KLHL25: variants seen among roughly 807,000 people sequenced by gnomAD.
KLHL25 encodes the protein kelch-like protein 25.
KLHL25 carries 41 observed loss-of-function variants against 30.0 expected under a neutral mutation model. That is an observed-to-expected ratio of 1.37 (90% confidence interval 1.07 to 1.78). The LOEUF is 1.78. Among genes scored for constraint, KLHL25 ranks in the 40% most tolerant of loss-of-function variants. The probability of loss-of-function intolerance (pLI) is 0.00; values close to 1 mark genes in which losing one functional copy is unlikely to be tolerated. For missense variants in KLHL25, 971 were observed against 824.5 expected (o/e 1.18, Z -2.18); for synonymous variants, 399 against 355.3 (o/e 1.12, Z -1.38).
Position 85,760,025 on chromosome 15 carries a change from G to A in KLHL25, c.*1011C>T, listed in dbSNP as rs567694962. ...GGGGCCATTCTTATCTTGGAGCTCA[G>A]GGAGCAAATGGGGGCCAAAACGCAA... On this transcript the variant is annotated 3_prime_UTR_variant, in exon 3 of 3. Coordinates refer to ENST00000337975, the MANE Select transcript of KLHL25 (RefSeq NM_022480.4). 6.6e-6 allele frequency: 1 copy of A among 152,414 alleles called. No homozygotes were observed. Among genetic ancestry groups the A allele is most frequent in the South Asian group, 2.1e-4 (1 of 4,824 alleles). The allele number at this position is 152,414 out of a possible 1,614,324, so 9.4% of individuals were successfully genotyped here. A position where few individuals can be genotyped will look rare whatever the true frequency, so the allele number is the denominator to read the frequency against.
intron 1 of KLHL25, among the ~76,000 whole-genome samples, chr15:85,776,504 CA>C (rs963500522): frequency 2.0e-5 from 3 of 151,312 alleles, no homozygotes; most frequent in East Asian, 1.9e-4. Flanking sequence ...CAATCAATAG[CA>C]AAAAAAACCT....
In KLHL25 at chr15:85,769,233, A is replaced by C. The variant is rs750909651; in HGVS notation, c.578T>G (p.Leu193Arg). ...CTCATCACTCGAGATGAGGTCCAGC[A>C]GTGTGTCCTTGGACAGGCTGTTGAA... is the stretch of plus-strand genomic sequence containing the variant. ...EDFNSLSKDT[L>R]LDLISSDELE... Residue 193 changes from leucine to arginine, a missense_variant, in exon 2 of 3, where the codon CTG (leucine) becomes CGG (arginine). Leu to Arg is a moderately radical substitution (Grantham distance 102). Transcript: ENST00000337975. 2.5e-6 allele frequency: 4 copies of C among 1,613,846 alleles called. No homozygotes were observed. The Admixed American group carries it at 6.7e-5, about 27-fold the overall frequency.
At chr15:85,765,066 G>A (rs778646820) in intron 2 of KLHL25, among the ~76,000 whole-genome samples, 2 of 152,132 alleles carry the variant, frequency 1.3e-5, no homozygotes, top group African/African-American at 2.4e-5. Context: ...GGTAGGCAGG[G>A]GGCAGCCTCT....
At chr15:85,792,772 C>T (rs910681638) in intron 1 of KLHL25, among the ~76,000 whole-genome samples, 66 of 152,134 alleles carry the variant, frequency 4.3e-4, no homozygotes, top group African/African-American at 1.6e-3. Context: ...CGAATCTGGG[C>T]GATGACATGC....
At position 85,760,244 on chromosome 15, in the gene KLHL25, CCT is replaced by C. The variant is rs2089572287; in HGVS notation, c.*790_*791del. 6.6e-6 allele frequency: 1 copy of C among 152,216 alleles called. No individual in the cohort carries two copies. Among genetic ancestry groups the C allele is most frequent in the African/African-American group, 2.4e-5 (1 of 41,432 alleles). The allele number at this position is 152,216 out of a possible 1,614,324, so 9.4% of individuals were successfully genotyped here. A position where few individuals can be genotyped will look rare whatever the true frequency, so the allele number is the denominator to read the frequency against. On this transcript the variant is annotated 3_prime_UTR_variant, in exon 3 of 3. Transcript: ENST00000337975. ...GTGTGTGCCATGGGGGTCACTGCTG[CCT>C]CTCAGGGTGGGCTCTGAGGAGGGGA...
rs1449670550 is a variant in KLHL25, at chr15:85,789,619, T to A, written c.-11+5147A>T. On this transcript the variant is annotated intron_variant, in intron 1 of 2. Transcript: ENST00000337975. The surrounding 1 kb of genome is among the most constrained non-coding windows in gnomAD (Gnocchi z 4.1). The stretch of plus-strand genomic sequence containing the variant: ...CTGCTGGGAGGTGGCCCTGGCTCTG[T>A]GCCCAAGGGACATCCCACCAGGGAA... Among the ~76,000 whole-genome samples, 1 of 152,178 alleles carries A rather than the reference T, an allele frequency of 6.6e-6. No homozygotes were observed. The highest frequency in any genetic ancestry group is 1.5e-5 in the Non-Finnish European group (1 of 68,022).
intron 1 of KLHL25, among the ~76,000 whole-genome samples, chr15:85,785,094 C>CTTTTTTT (rs11419946): frequency 9.8e-5 from 14 of 142,272 alleles, no homozygotes; most frequent in South Asian, 2.2e-4. Context: ...TTTCTTTTTT[C>CTTTTTTT]TTTTTTTTTT....
intron 1 of KLHL25, among the ~76,000 whole-genome samples, chr15:85,790,448 C>G (rs762041184): frequency 6.6e-6 from 1 of 152,172 alleles, no homozygotes; most frequent in Non-Finnish European, 1.5e-5. Flanking sequence ...TCTTCCTGAC[C>G]AGAAAGGCTA....
At chr15:85,770,944 A>C in intron 1 of KLHL25, 1 of 227,106 alleles carries the variant, frequency 4.4e-6, no homozygotes, top group Non-Finnish European at 8.9e-6. Context: ...AGTACTTTGA[A>C]CTCAAGGCTC....
chr15:85,768,780 A>T lies in KLHL25; in HGVS notation c.1031T>A (p.Val344Glu). The part of the protein sequence containing the change: ...SASAIGCKVY[V>E]TGGRGSENGV... ...GTTCTCGGAGCCCCTGCCCCCCGTC[A>T]CATAGACCTTGCAGCCGATCGCTGA... The change falls in exon 2 of 3, where the codon GTG becomes GAG. Residue 344 changes from valine (V) to glutamate (E), a missense_variant. Physicochemically the swap from Val to Glu is moderately radical, Grantham distance 121. Transcript: ENST00000337975. The T allele has an allele frequency of 6.2e-7, 1 of 1,613,174 alleles. No homozygotes were observed. The highest frequency in any genetic ancestry group is 1.1e-5 in the South Asian group (1 of 91,090).
intron 1 of KLHL25, among the ~76,000 whole-genome samples, chr15:85,780,987 G>A (rs1333202123): frequency 6.6e-6 from 1 of 152,176 alleles, no homozygotes; most frequent in Non-Finnish European, 1.5e-5. Flanking sequence ...GAGGCCTGGT[G>A]AGATAAACCT....
In KLHL25 at chr15:85,760,948, G is replaced by A. The variant is rs982260825; in HGVS notation, c.*88C>T. The A allele has an allele frequency of 6.6e-6, 1 of 152,406 alleles. No individual in the cohort carries two copies. The highest frequency in any genetic ancestry group is 1.5e-5 in the Non-Finnish European group (1 of 68,158). 9.4% of individuals were successfully genotyped at this position (152,406 alleles called of 1,614,324 possible). A position where few individuals can be genotyped will look rare whatever the true frequency, so the allele number is the denominator to read the frequency against. ...TTCCACCTCTCGGAGTGCTGGCCCA[G>A]GGCCGGCTTAGCTCCCGCTGTGGCA... On this transcript the variant is annotated 3_prime_UTR_variant, in exon 3 of 3. Transcript: ENST00000337975.
At chr15:85,763,029 C>G (rs973481240) in intron 2 of KLHL25, 1 of 152,288 alleles carries the variant, frequency 6.6e-6, no homozygotes, top group African/African-American at 2.4e-5. Context: ...GGCAGCCCCC[C>G]CATGCTGGAG....
Position 85,760,265 on chromosome 15 carries a change from G to A in KLHL25, c.*771C>T, listed in dbSNP as rs2089572441. The A allele has an allele frequency of 6.6e-6, 1 of 152,276 alleles. No homozygotes were observed. Among genetic ancestry groups the A allele is most frequent in the Admixed American group, 6.5e-5 (1 of 15,288 alleles). 9.4% of individuals were successfully genotyped at this position (152,276 alleles called of 1,614,324 possible). Reference sequence around the variant, plus strand: ...GCTGCCTCTCAGGGTGGGCTCTGAGGAGGGGAGGGGAGGGGTGACCCCCAG... The same window carrying A: ...GCTGCCTCTCAGGGTGGGCTCTGAGAAGGGGAGGGGAGGGGTGACCCCCAG... On this transcript the variant is annotated 3_prime_UTR_variant, in exon 3 of 3. Coordinates refer to ENST00000337975, the MANE Select transcript of KLHL25 (RefSeq NM_022480.4).
At chr15:85,764,898 C>T (rs986440695) in intron 2 of KLHL25, among the ~76,000 whole-genome samples, 1 of 152,244 alleles carries the variant, frequency 6.6e-6, no homozygotes, top group African/African-American at 2.4e-5. Context: ...AATCAAGTAG[C>T]CAGTCCAGGG....
chr15:85,775,967 T>A (rs776368360), intron 1 of KLHL25, among the ~76,000 whole-genome samples: 3 of 147,264 alleles, frequency 2.0e-5, no homozygotes, highest in Admixed American at 6.8e-5. Flanking sequence ...AGGTGTGGAG[T>A]TCGAGACCAG....
At position 85,769,573 on chromosome 15, in the gene KLHL25, G is replaced by T; in HGVS notation, c.238C>A (p.Arg80=). ...YFEAMFSHGL[R]ESRDDTVNFQ... is the part of the protein sequence containing the mutation. ...TTGACAGTGTCATCCCGGCTCTCCC[G>T]AAGGCCATGGCTGAACATGGCCTCA... The change falls in exon 2 of 3, where the codon CGG becomes AGG. Residue 80 remains arginine, a synonymous_variant. Transcript: ENST00000337975. 3 of 1,613,700 alleles carry T rather than the reference G, an allele frequency of 1.9e-6. No individual in the cohort carries two copies. Among genetic ancestry groups the T allele is most frequent in the Non-Finnish European group, 1.7e-6 (2 of 1,180,022 alleles).
chr15:85,769,208 C>G lies in KLHL25; in HGVS notation c.603G>C (p.Glu201Asp). 2 of 1,613,740 alleles carry G rather than the reference C, an allele frequency of 1.2e-6. No individual in the cohort carries two copies. The highest frequency in any genetic ancestry group is 1.7e-6 in the Non-Finnish European group (2 of 1,180,034). The change falls in exon 2 of 3, where the codon GAG becomes GAC. Residue 201 changes from glutamate to aspartate, a missense_variant. Coordinates refer to ENST00000337975, the MANE Select transcript of KLHL25 (RefSeq NM_022480.4). ...DTLLDLISSD[E>D]LETEDERVVF... ...CCACCCGCTCGTCCTCGGTCTCCAG[C>G]TCATCACTCGAGATGAGGTCCAGCA...
chr15:85,768,762 G>A lies in KLHL25; in HGVS notation c.1049C>T (p.Ser350Phe). ...GACATCCTTGGAGACCCCGTTCTCG[G>A]AGCCCCTGCCCCCCGTCACATAGAC... ...CKVYVTGGRG[S>F]ENGVSKDVWV... Residue 350 changes from serine (S) to phenylalanine (F), a missense_variant, in exon 2 of 3, where the codon TCC (serine) becomes TTC (phenylalanine). Transcript: ENST00000337975. The A allele has an allele frequency of 6.2e-7, 1 of 1,612,958 alleles. No homozygotes were observed.
Sources: gnomAD v4.1 joint callset for allele counts (sites outside exome capture counted in the v4.1 genomes callset) on GRCh38, gnomAD v4.1.1 for gene constraint, Gnocchi (gnomAD v3.1) non-coding constraint, MANE v1.5 for transcripts, NCBI Gene and HGNC (gene_info 2026-07-23, HGNC 2026-07-21) for gene names.